The following LHFPL3 variants were observed in gnomAD, a reference collection of about 807,000 sequenced individuals.
The protein encoded by LHFPL3 is LHFPL tetraspan subfamily member 3 protein.
LHFPL3 carries 5 observed loss-of-function variants against 19.3 expected under a neutral mutation model. The ratio of observed to expected loss-of-function variants is 0.26; its 90% CI spans 0.14 to 0.54. The LOEUF is 0.54. Ranked by LOEUF, LHFPL3 falls within the 20% of genes least tolerant of loss-of-function variation. LHFPL3 has a pLI of 0.94. For missense variants in LHFPL3, 249 were observed against 307.4 expected (o/e 0.81, Z 1.42); for synonymous variants, 133 against 126.2 (o/e 1.05, Z -0.36).
chr7:104,596,016 C>T (rs1340032783), intron 1 of LHFPL3, among the ~76,000 whole-genome samples: 3 of 152,226 alleles, frequency 2.0e-5, no homozygotes, highest in Non-Finnish European at 2.9e-5. Context: ...TTGTGCTTCC[C>T]GGGTGAGACA....
chr7:104,630,414 C>T (rs1791619001), intron 1 of LHFPL3, among the ~76,000 whole-genome samples: 1 of 152,136 alleles, frequency 6.6e-6, no homozygotes, highest in South Asian at 2.1e-4. Context: ...GAATATAGGT[C>T]ACCTTGTGCA....
chr7:104,728,975 G>C (rs976688497), intron 1 of LHFPL3, among the ~76,000 whole-genome samples: 1 of 152,140 alleles, frequency 6.6e-6, no homozygotes, highest in South Asian at 2.1e-4. Context: ...AATATAAAAA[G>C]AGACAACATG....
intron 2 of LHFPL3, among the ~76,000 whole-genome samples, chr7:104,898,011 T>TTTTTTTTA (rs1792401808): frequency 7.4e-6 from 1 of 134,264 alleles, no homozygotes; most frequent in Non-Finnish European, 1.6e-5. Context: ...CACCCCTTTT[T>TTTTTTTTA]TTTTTTTTTT....
At chr7:104,823,104 G>A (rs966241112) in intron 2 of LHFPL3, among the ~76,000 whole-genome samples, 1 of 152,184 alleles carries the variant, frequency 6.6e-6, no homozygotes, top group East Asian at 1.9e-4. Context: ...GATCGTGTAT[G>A]CTATGGAACA....
chr7:104,737,582 T>C (rs192188458), intron 2 of LHFPL3, among the ~76,000 whole-genome samples: 1 of 152,212 alleles, frequency 6.6e-6, no homozygotes, highest in Non-Finnish European at 1.5e-5. Context: ...AAATATATCA[T>C]AGTGGGCAAA....
intron 1 of LHFPL3, among the ~76,000 whole-genome samples, chr7:104,716,783 C>G (rs562414074): frequency 3.9e-4 from 60 of 152,268 alleles, no homozygotes; most frequent in African/African-American, 1.4e-3. Flanking sequence ...CAAGCTCTAT[C>G]AAAATCCCAG....
At chr7:104,509,994 A>C (rs1425908971) in intron 1 of LHFPL3, among the ~76,000 whole-genome samples, 2 of 152,122 alleles carry the variant, frequency 1.3e-5, no homozygotes, top group Non-Finnish European at 2.9e-5. Flanking sequence ...ATAATGACTA[A>C]ATAGAATAAA....
At chr7:104,611,880 C>T (rs1791219785) in intron 1 of LHFPL3, among the ~76,000 whole-genome samples, 1 of 152,136 alleles carries the variant, frequency 6.6e-6, no homozygotes. Flanking sequence ...ATAGATGATG[C>T]AGTCCTGTGC....
chr7:104,584,688 GTTAGAACGAA>G (rs1430677704), intron 1 of LHFPL3, among the ~76,000 whole-genome samples: 2 of 152,038 alleles, frequency 1.3e-5, no homozygotes, highest in Admixed American at 6.6e-5. Flanking sequence ...ATCTTGAATA[GTTAGAACGAA>G]TGCATTTTCT....
intron 1 of LHFPL3, among the ~76,000 whole-genome samples, chr7:104,561,779 G>A (rs1401910839): frequency 2.0e-5 from 3 of 152,074 alleles, no homozygotes; most frequent in Admixed American, 6.5e-5. Context: ...TCCTAGTCTC[G>A]ATTGTCTTTA....
chr7:104,732,380 T>C (rs1405441464), intron 1 of LHFPL3, among the ~76,000 whole-genome samples: 1 of 152,210 alleles, frequency 6.6e-6, no homozygotes, highest in Non-Finnish European at 1.5e-5. Flanking sequence ...GGTAAGCTAT[T>C]AATTATTGCC....
intron 1 of LHFPL3, among the ~76,000 whole-genome samples, chr7:104,667,151 C>G (rs1054969962): frequency 1.3e-5 from 2 of 151,868 alleles, no homozygotes; most frequent in African/African-American, 4.8e-5. Flanking sequence ...TCCTCACCAG[C>G]ATGGTTTTTT....
intron 1 of LHFPL3, among the ~76,000 whole-genome samples, chr7:104,682,842 T>A (rs1792733138): frequency 6.6e-6 from 1 of 152,352 alleles, no homozygotes; most frequent in African/African-American, 2.4e-5. Context: ...TTTCTTTTTA[T>A]GGTGTTTATT....
At chr7:104,454,434 A>T (rs2116607476) in intron 1 of LHFPL3, among the ~76,000 whole-genome samples, 1 of 152,260 alleles carries the variant, frequency 6.6e-6, no homozygotes, top group Non-Finnish European at 1.5e-5. Flanking sequence ...CAGAATTAGG[A>T]TTCTGCTAGT....
chr7:104,772,125 C>T (rs1334256218), intron 2 of LHFPL3, among the ~76,000 whole-genome samples: 3 of 152,028 alleles, frequency 2.0e-5, no homozygotes, highest in Admixed American at 6.6e-5. Flanking sequence ...GCCCTTTTGC[C>T]TCATTTTTAA....
At chr7:104,749,089 A>T (rs1420182082) in intron 2 of LHFPL3, among the ~76,000 whole-genome samples, 1 of 152,242 alleles carries the variant, frequency 6.6e-6, no homozygotes, top group Admixed American at 6.5e-5. Context: ...TCCAATTAAT[A>T]TCTCCCAGCA....
At chr7:104,383,919 C>T (rs138161528) in intron 1 of LHFPL3, among the ~76,000 whole-genome samples, 3 of 152,300 alleles carry the variant, frequency 2.0e-5, no homozygotes, top group African/African-American at 7.2e-5. Flanking sequence ...AGTTGTCTGA[C>T]CTCTAGCAGT....
At chr7:104,853,664 G>C (rs1477997191) in intron 2 of LHFPL3, among the ~76,000 whole-genome samples, 1 of 152,198 alleles carries the variant, frequency 6.6e-6, no homozygotes, top group Non-Finnish European at 1.5e-5. Flanking sequence ...CCCACAACAA[G>C]ATGAGAGGGA....
At chr7:104,815,552 G>A (rs1404130113) in intron 2 of LHFPL3, among the ~76,000 whole-genome samples, 1 of 152,106 alleles carries the variant, frequency 6.6e-6, no homozygotes, top group Non-Finnish European at 1.5e-5. Context: ...GTGATATGGG[G>A]GAACCTAAAT....
Sources: allele counts gnomAD v4.1 joint callset (sites outside exome capture counted in the v4.1 genomes callset), GRCh38; gene constraint gnomAD v4.1.1; transcripts MANE v1.5; gene names NCBI Gene and HGNC (gene_info 2026-07-23, HGNC 2026-07-21).